EDIL3: variants seen among roughly 807,000 people sequenced by gnomAD.
EDIL3 encodes the protein EGF-like repeat and discoidin I-like domain-containing protein 3.
A neutral mutation model predicts 67.4 loss-of-function variants in EDIL3; 37 were observed. That is an observed-to-expected ratio of 0.55 (90% confidence interval 0.42 to 0.72). EDIL3 has a LOEUF of 0.72. EDIL3 is among the 30% of genes least tolerant of loss of function. The pLI is 0.00. For synonymous variants in EDIL3, 195 were observed against 196.3 expected, an observed-to-expected ratio of 0.99 and a Z score of 0.05; for missense variants, 527 against 586.3, an observed-to-expected ratio of 0.90 and a Z score of 1.04.
intron 5 of EDIL3, among the ~76,000 whole-genome samples, chr5:84,117,309 C>T (rs1413239463): frequency 6.6e-6 from 1 of 151,966 alleles, no homozygotes; most frequent in African/African-American, 2.4e-5. Context: ...GGATTACAAG[C>T]GTGAGCCACC....
At chr5:84,223,150 T>C (rs1744380149) in intron 3 of EDIL3, among the ~76,000 whole-genome samples, 2 of 151,838 alleles carry the variant, frequency 1.3e-5, no homozygotes, top group African/African-American at 4.8e-5. Flanking sequence ...TTTTTATATG[T>C]TATATAAGAC....
At chr5:84,280,947 C>T (rs1416929783) in intron 1 of EDIL3, among the ~76,000 whole-genome samples, 17 of 70,188 alleles carry the variant, frequency 2.4e-4, no homozygotes, top group East Asian at 2.0e-3. Context: ...AAGACTCTGT[C>T]AAAAAAAAAA....
At chr5:83,956,940 A>G (rs77119918) in intron 10 of EDIL3, among the ~76,000 whole-genome samples, 2,509 of 151,820 alleles carry the variant, frequency 0.017, 58 homozygotes, top group African/African-American at 0.057. Context: ...TTGAAATAAT[A>G]TAATGGTCTT....
chr5:84,139,243 A>G (rs1054715166), intron 4 of EDIL3, among the ~76,000 whole-genome samples: 3 of 151,590 alleles, frequency 2.0e-5, no homozygotes, highest in Non-Finnish European at 4.4e-5. Flanking sequence ...TCTCGGGGGA[A>G]AAAAAGTATG....
At chr5:84,371,538 CA>C (rs1159925663) in intron 1 of EDIL3, among the ~76,000 whole-genome samples, 2 of 144,620 alleles carry the variant, frequency 1.4e-5, no homozygotes, top group African/African-American at 5.1e-5. Context: ...GACCCCCTAC[CA>C]ATATGAAATA....
intron 6 of EDIL3, among the ~76,000 whole-genome samples, chr5:84,078,370 C>T (rs576913521): frequency 1.3e-5 from 2 of 151,884 alleles, no homozygotes; most frequent in Non-Finnish European, 2.9e-5. Flanking sequence ...GGTTTTTATA[C>T]GGATATCTAA....
chr5:83,959,619 T>C (rs904208300), intron 10 of EDIL3, among the ~76,000 whole-genome samples: 1 of 151,004 alleles, frequency 6.6e-6, no homozygotes, highest in African/African-American at 2.4e-5. Context: ...TTGGCACTTG[T>C]AAATATTGAA....
At chr5:84,165,226 A>C (rs1377980926) in intron 4 of EDIL3, among the ~76,000 whole-genome samples, 1 of 152,102 alleles carries the variant, frequency 6.6e-6, no homozygotes, top group Non-Finnish European at 1.5e-5. Flanking sequence ...TCTAATATGT[A>C]CATGGCCGGA....
At chr5:84,249,954 G>A (rs1344039037) in intron 2 of EDIL3, among the ~76,000 whole-genome samples, 1 of 152,080 alleles carries the variant, frequency 6.6e-6, no homozygotes, top group African/African-American at 2.4e-5. Flanking sequence ...TATATATAGA[G>A]AGAGAGATAA....
chr5:84,338,552 A>G (rs1287261025), intron 1 of EDIL3, among the ~76,000 whole-genome samples: 1 of 152,106 alleles, frequency 6.6e-6, no homozygotes, highest in Non-Finnish European at 1.5e-5. Flanking sequence ...AAGGGTGGAA[A>G]TTGAAGCTAG....
intron 4 of EDIL3, among the ~76,000 whole-genome samples, chr5:84,162,568 A>C (rs1748632493): frequency 6.6e-6 from 1 of 151,928 alleles, no homozygotes; most frequent in Admixed American, 6.6e-5. Context: ...ACATTTCATC[A>C]CTGGGAATTC....
At chr5:83,998,406 A>C (rs1745270673) in intron 9 of EDIL3, among the ~76,000 whole-genome samples, 1 of 152,004 alleles carries the variant, frequency 6.6e-6, no homozygotes, top group African/African-American at 2.4e-5. Flanking sequence ...TGACTAAAGA[A>C]CCCTTAGGTC....
intron 7 of EDIL3, among the ~76,000 whole-genome samples, chr5:84,065,257 C>T (rs1451931957): frequency 2.0e-5 from 3 of 152,114 alleles, no homozygotes; most frequent in Non-Finnish European, 4.4e-5. Flanking sequence ...TCCGGATCAT[C>T]CAGTCTCTCT....
intron 5 of EDIL3, among the ~76,000 whole-genome samples, chr5:84,128,503 GT>G (rs1747905922): frequency 6.6e-6 from 1 of 151,974 alleles, no homozygotes; most frequent in Non-Finnish European, 1.5e-5. Context: ...CAATTTAACA[GT>G]GTTCCAACTT....
chr5:84,000,564 AC>A (rs1745315271), intron 9 of EDIL3, among the ~76,000 whole-genome samples: 1 of 152,046 alleles, frequency 6.6e-6, no homozygotes, highest in Non-Finnish European at 1.5e-5. Context: ...CAAAACACCT[AC>A]AAAAAAAAAG....
intron 6 of EDIL3, among the ~76,000 whole-genome samples, chr5:84,074,140 G>A (rs1362152885): frequency 2.0e-5 from 3 of 151,718 alleles, no homozygotes; most frequent in Admixed American, 6.6e-5. Context: ...AAACTGGCTA[G>A]CCATATGTAG....
intron 3 of EDIL3, among the ~76,000 whole-genome samples, chr5:84,220,037 A>T (rs185755395): frequency 6.6e-6 from 1 of 152,282 alleles, no homozygotes; most frequent in East Asian, 1.9e-4. Context: ...ATAAGATCTA[A>T]AGTTGGATAG....
chr5:83,983,742 CTTTTT>C lies in EDIL3; in HGVS notation c.1138-20387_1138-20383del, dbSNP rs550782079. Reference sequence around the variant, plus strand: ...TGACAGGTGGGAGGACAGGGACTTTCTTTTTTTTTTTTTTTTTCACTGTTCATTCA... The same window carrying C: ...TGACAGGTGGGAGGACAGGGACTTTCTTTTTTTTTTTTCACTGTTCATTCA... On this transcript the variant is annotated intron_variant, in intron 9 of 10. Transcript: ENST00000296591. 2.4e-5 allele frequency among the ~76,000 whole-genome samples: 3 copies of C among 126,916 alleles called. 1 individual carries two copies. Among genetic ancestry groups the C allele is most frequent in the African/African-American group, 8.6e-5 (3 of 35,008 alleles). The allele number at this position is 126,916 out of a possible 152,430, so 83.3% of individuals were successfully genotyped here.
intron 3 of EDIL3, among the ~76,000 whole-genome samples, chr5:84,209,396 A>C (rs1309707477): frequency 3.3e-5 from 5 of 152,156 alleles, no homozygotes; most frequent in Admixed American, 6.5e-5. Context: ...AGAGTTCTAC[A>C]AATGTTTAGG....
Sources: allele counts gnomAD v4.1 joint callset (sites outside exome capture counted in the v4.1 genomes callset), GRCh38; gene constraint gnomAD v4.1.1; transcripts MANE v1.5; gene names NCBI Gene and HGNC (gene_info 2026-07-23, HGNC 2026-07-21).